RNF150: variants seen among roughly 807,000 people sequenced by gnomAD.
RNF150 encodes the protein ring finger protein 150.
In RNF150, 24 loss-of-function variants were observed where a neutral mutation model predicts 39.3. That is an observed-to-expected ratio of 0.61 (90% CI 0.44 to 0.86). RNF150 has a LOEUF of 0.86. RNF150 is among the 40% of genes least tolerant of loss of function. The probability of loss-of-function intolerance (pLI) is 0.00; values close to 1 mark genes in which losing one functional copy is unlikely to be tolerated. For missense variants in RNF150, 502 were observed against 587.8 expected, an observed-to-expected ratio of 0.85 and a Z score of 1.51; for synonymous variants, 255 against 227.3, an observed-to-expected ratio of 1.12 and a Z score of -1.10.
At chr4:140,911,066 G>T in intron 6 of RNF150, 78 bp downstream of exon 6, 2 of 1,166,172 alleles carry the variant, frequency 1.7e-6, no homozygotes, top group Admixed American at 2.0e-5. Context: ...TTTTCTTTTT[G>T]AGGAAAGGTA....
intron 1 of RNF150, among the ~76,000 whole-genome samples, chr4:140,968,253 A>G (rs1342051440): frequency 6.6e-6 from 1 of 152,002 alleles, no homozygotes; most frequent in African/African-American, 2.4e-5. Flanking sequence ...CCCCTGAGGA[A>G]GGGAATGGGA....
chr4:141,153,853 G>C lies in RNF150; in HGVS notation c.-6+58941C>G, dbSNP rs566454064. On this transcript the variant is annotated intron_variant, in intron 1 of 7. Transcript: ENST00000420921. ...CTACAGGATTGATCCATAGTGAATA[G>C]AGGAGGTATGCAGCAGTGAGCATAC... 6.6e-5 allele frequency among the ~76,000 whole-genome samples: 10 copies of C among 152,238 alleles called. No homozygotes were observed. In the South Asian group the frequency reaches 2.1e-3, roughly 32 times the overall value.
At chr4:141,211,332 G>A (rs1245946316) in intron 1 of RNF150, among the ~76,000 whole-genome samples, 2 of 152,098 alleles carry the variant, frequency 1.3e-5, no homozygotes, top group Non-Finnish European at 2.9e-5. Flanking sequence ...GATGGTATTA[G>A]ATACACCTAC....
chr4:141,031,939 T>C (rs1234450715), intron 1 of RNF150, among the ~76,000 whole-genome samples: 2 of 152,046 alleles, frequency 1.3e-5, no homozygotes, highest in Non-Finnish European at 2.9e-5. Flanking sequence ...TGTAATATTA[T>C]TCACAATAGT....
chr4:140,882,698 T>A (rs2111207714), intron 6 of RNF150, among the ~76,000 whole-genome samples: 1 of 152,288 alleles, frequency 6.6e-6, no homozygotes, highest in South Asian at 2.1e-4. Context: ...CTTGTGACAG[T>A]TGTTTACTTA....
intron 1 of RNF150, among the ~76,000 whole-genome samples, chr4:141,030,735 T>C (rs1392266068): frequency 1.3e-5 from 2 of 152,164 alleles, no homozygotes; most frequent in Non-Finnish European, 2.9e-5. Context: ...TATGGTTCCA[T>C]TTAAATGAGG....
intron 1 of RNF150, among the ~76,000 whole-genome samples, chr4:141,056,009 C>T (rs1736952504): frequency 6.6e-6 from 1 of 152,174 alleles, no homozygotes; most frequent in Admixed American, 6.6e-5. Context: ...CAGAGCAGTA[C>T]ATAATTTAGG....
intron 1 of RNF150, among the ~76,000 whole-genome samples, chr4:141,032,025 T>C (rs554749308): frequency 6.6e-6 from 1 of 151,790 alleles, no homozygotes. Context: ...TATGTATATA[T>C]ATACACACAT....
At chr4:140,926,154 G>A in intron 4 of RNF150, 81 bp from the exon 5 acceptor site, 1 of 1,000,630 alleles carries the variant, frequency 1.0e-6, no homozygotes, top group Non-Finnish European at 1.6e-6. Flanking sequence ...ACTCGTCCAA[G>A]GTCACAAAAT....
At chr4:140,965,989 C>T (rs573132457) in intron 2 of RNF150, among the ~76,000 whole-genome samples, 24 of 152,154 alleles carry the variant, frequency 1.6e-4, no homozygotes, top group Admixed American at 7.2e-4. Context: ...TATGACTCCC[C>T]AAACACCATA....
rs182011903 is a variant in RNF150, at chr4:140,973,299, T to C, written c.485-5426A>G. Reference sequence around the variant, plus strand: ...ATCTGTGGTTTACTTTTACTAAGAATTGATAATTCACAATGTCTTGACAAT... The same window carrying C: ...ATCTGTGGTTTACTTTTACTAAGAACTGATAATTCACAATGTCTTGACAAT... On this transcript the variant is annotated intron_variant, in intron 1 of 6. Coordinates refer to ENST00000515673, the MANE Select transcript of RNF150 (RefSeq NM_020724.2). Among the ~76,000 whole-genome samples the C allele has an allele frequency of 1.1e-4, 16 of 152,312 alleles. No homozygotes were observed. The East Asian group carries it at 3.1e-3, about 29-fold the overall frequency.
chr4:141,023,305 G>A (rs1451725186), intron 1 of RNF150, among the ~76,000 whole-genome samples: 1 of 152,084 alleles, frequency 6.6e-6, no homozygotes, highest in Non-Finnish European at 1.5e-5. Flanking sequence ...AAGTGCAGTT[G>A]TGTGATTTCA....
intron 1 of RNF150, among the ~76,000 whole-genome samples, chr4:140,987,127 A>C (rs999422027): frequency 1.3e-5 from 2 of 152,098 alleles, no homozygotes; most frequent in Non-Finnish European, 2.9e-5. Context: ...GAGATGACAC[A>C]AATAAAAAAA....
At chr4:140,875,626 G>A (rs1341233364) in intron 6 of RNF150, among the ~76,000 whole-genome samples, 3 of 152,188 alleles carry the variant, frequency 2.0e-5, no homozygotes, top group Middle Eastern at 3.4e-3. Flanking sequence ...TCAAACTCAC[G>A]AAAGGCTAAG....
chr4:141,044,473 T>C (rs935094152), intron 1 of RNF150, among the ~76,000 whole-genome samples: 1 of 152,134 alleles, frequency 6.6e-6, no homozygotes, highest in Non-Finnish European at 1.5e-5. Context: ...AACATTAATA[T>C]ACAAAAAATG....
At chr4:141,127,984 T>C (rs1482160990) in intron 1 of RNF150, among the ~76,000 whole-genome samples, 1 of 152,156 alleles carries the variant, frequency 6.6e-6, no homozygotes, top group East Asian at 1.9e-4. Flanking sequence ...ACAAACTCAA[T>C]AGGAGAATCT....
chr4:141,210,253 C>G (rs1208405655), intron 1 of RNF150, among the ~76,000 whole-genome samples: 2 of 152,146 alleles, frequency 1.3e-5, no homozygotes, highest in African/African-American at 4.8e-5. Context: ...ATTCTTTCCA[C>G]CAGTGAGTAT....
At chr4:140,985,486 T>G (rs1733989184) in intron 1 of RNF150, among the ~76,000 whole-genome samples, 1 of 152,122 alleles carries the variant, frequency 6.6e-6, no homozygotes, top group African/African-American at 2.4e-5. Flanking sequence ...TAAACTAAAC[T>G]CATCAGATAT....
chr4:140,930,797 C>T (rs1172973233), intron 4 of RNF150, among the ~76,000 whole-genome samples: 1 of 152,188 alleles, frequency 6.6e-6, no homozygotes, highest in Non-Finnish European at 1.5e-5. Flanking sequence ...CTGGTTACGT[C>T]ACCCCCGTGT....
Sources: allele counts gnomAD v4.1 joint callset (sites outside exome capture counted in the v4.1 genomes callset), GRCh38; gene constraint gnomAD v4.1.1; transcripts MANE v1.5; gene names NCBI Gene and HGNC (gene_info 2026-07-23, HGNC 2026-07-21).